SMYD3: variants seen among roughly 807,000 people sequenced by gnomAD.
The protein encoded by SMYD3 is histone-lysine N-methyltransferase SMYD3.
A neutral mutation model predicts 57.7 loss-of-function variants in SMYD3; 36 were observed. That is an observed-to-expected ratio of 0.62 (90% CI 0.48 to 0.82). The LOEUF is 0.82. Among genes scored for constraint, SMYD3 ranks in the 40% least tolerant of loss-of-function variants. The probability of loss-of-function intolerance (pLI) is 0.00; values close to 1 mark genes in which losing one functional copy is unlikely to be tolerated. For synonymous variants in SMYD3, 211 were observed against 195.0 expected (o/e 1.08, Z -0.68); for missense variants, 515 against 538.8 (o/e 0.96, Z 0.44).
chr1:246,323,893 C>T (rs781075723), intron 5 of SMYD3, among the ~76,000 whole-genome samples: 5 of 143,050 alleles, frequency 3.5e-5, no homozygotes, highest in Non-Finnish European at 6.1e-5. Context: ...TTTAAAACTC[C>T]GAAGAGAAAG....
intron 2 of SMYD3, among the ~76,000 whole-genome samples, chr1:246,348,687 C>T (rs1453737313): frequency 6.6e-6 from 1 of 152,066 alleles, no homozygotes; most frequent in Non-Finnish European, 1.5e-5. Context: ...CAATCATACT[C>T]GAAACCTCAG....
At chr1:246,090,955 C>T (rs980729694) in intron 5 of SMYD3, among the ~76,000 whole-genome samples, 4 of 152,158 alleles carry the variant, frequency 2.6e-5, no homozygotes, top group South Asian at 2.1e-4. Context: ...GGAACCTCGT[C>T]GGGGAAACCA....
intron 10 of SMYD3, among the ~76,000 whole-genome samples, chr1:245,765,212 C>T (rs906397535): frequency 1.5e-5 from 2 of 136,608 alleles, no homozygotes; most frequent in Non-Finnish European, 1.5e-5. Context: ...AAGGCAAAAC[C>T]CTTTCTCTAT....
At chr1:246,447,010 C>G (rs932478070) in intron 1 of SMYD3, among the ~76,000 whole-genome samples, 1 of 139,378 alleles carries the variant, frequency 7.2e-6, no homozygotes, top group African/African-American at 2.7e-5. Flanking sequence ...GCCTCGGTGA[C>G]AGAGCCAGAC....
chr1:246,445,953 T>C (rs1340567563), intron 1 of SMYD3, among the ~76,000 whole-genome samples: 1 of 151,986 alleles, frequency 6.6e-6, no homozygotes, highest in Non-Finnish European at 1.5e-5. Flanking sequence ...CTGAAAACCA[T>C]ATGAATGCAT....
chr1:246,029,134 C>T (rs1250000633), intron 5 of SMYD3, among the ~76,000 whole-genome samples: 1 of 152,166 alleles, frequency 6.6e-6, no homozygotes, highest in Non-Finnish European at 1.5e-5. Flanking sequence ...GAAGAAAACA[C>T]TTCAGGACAT....
chr1:245,792,031 T>C lies in SMYD3; in HGVS notation c.1077-27882A>G, dbSNP rs549748402. Among the ~76,000 whole-genome samples, 3 of 152,042 alleles carry C rather than the reference T, an allele frequency of 2.0e-5. No individual in the cohort carries two copies. In the East Asian group the frequency reaches 5.8e-4, roughly 29 times the overall value. The stretch of plus-strand genomic sequence containing the variant: ...AAAGGCTGTTCGATGAAATTTGATT[T>C]ATGTCCTCTTTCTGGGCTTACTCTC... On this transcript the variant is annotated intron_variant, in intron 10 of 11. Coordinates refer to ENST00000490107, the MANE Select transcript of SMYD3 (RefSeq NM_001167740.2).
intron 5 of SMYD3, among the ~76,000 whole-genome samples, chr1:246,151,098 T>C (rs905793363): frequency 6.6e-6 from 1 of 151,944 alleles, no homozygotes; most frequent in East Asian, 1.9e-4. Flanking sequence ...ATCCAAAAAT[T>C]AGCCAGGCGC....
At chr1:246,398,769 G>A (rs942720237) in intron 1 of SMYD3, among the ~76,000 whole-genome samples, 3 of 152,226 alleles carry the variant, frequency 2.0e-5, no homozygotes, top group African/African-American at 7.2e-5. Flanking sequence ...TATGCACAAT[G>A]GAGGAAGATA....
At chr1:246,015,580 A>G (rs891038531) in intron 5 of SMYD3, among the ~76,000 whole-genome samples, 1 of 152,148 alleles carries the variant, frequency 6.6e-6, no homozygotes, top group Admixed American at 6.5e-5. Context: ...CTCTGTGCCC[A>G]TTAACAATAA....
At chr1:246,461,737 A>AAAAT in intron 1 of SMYD3, among the ~76,000 whole-genome samples, 1 of 151,136 alleles carries the variant, frequency 6.6e-6, no homozygotes, top group African/African-American at 2.4e-5. Context: ...CTGTCTCAAA[A>AAAAT]AAAAAAAAAA....
intron 5 of SMYD3, among the ~76,000 whole-genome samples, chr1:246,184,188 C>T (rs1413630089): frequency 3.9e-5 from 6 of 152,176 alleles, no homozygotes; most frequent in African/African-American, 1.2e-4. Flanking sequence ...AAACACTAGT[C>T]CTTTCTGGGA....
intron 5 of SMYD3, among the ~76,000 whole-genome samples, chr1:246,065,678 T>C (rs2060328613): frequency 6.6e-6 from 1 of 152,234 alleles, no homozygotes. Context: ...AACACTGTTA[T>C]CACCAAATTC....
intron 5 of SMYD3, chr1:246,326,955 C>G: frequency 5.8e-6 from 3 of 515,562 alleles, no homozygotes; most frequent in Non-Finnish European, 1.0e-5. Flanking sequence ...CAAGGGTACA[C>G]TTTGAGAATT....
chr1:245,919,782 T>C (rs1329412652), intron 7 of SMYD3, among the ~76,000 whole-genome samples: 3 of 152,190 alleles, frequency 2.0e-5, no homozygotes, highest in African/African-American at 7.2e-5. Flanking sequence ...CATTGATCAG[T>C]AGACACCTTA....
intron 5 of SMYD3, among the ~76,000 whole-genome samples, chr1:246,123,032 A>C (rs550743979): frequency 4.6e-5 from 7 of 152,138 alleles, no homozygotes; most frequent in Non-Finnish European, 1.0e-4. Flanking sequence ...TAAAGAGAAA[A>C]ATTAAGAGGA....
Position 246,269,209 on chromosome 1 carries a change from C to A in SMYD3, c.531+57992G>T, listed in dbSNP as rs370098276. ...TTGTTTTCTCTGAAACTGGCTGATA[C>A]CACCCTTTCCAGATCTCACACTTTA... On this transcript the variant is annotated intron_variant, in intron 5 of 11. Coordinates refer to ENST00000490107, the MANE Select transcript of SMYD3 (RefSeq NM_001167740.2). Among the ~76,000 whole-genome samples, 4 of 152,232 alleles carry A rather than the reference C, an allele frequency of 2.6e-5. 1 individual carries two copies. Among genetic ancestry groups the A allele is most frequent in the African/African-American group, 9.6e-5 (4 of 41,530 alleles).
chr1:246,469,376 G>A (rs1160381786), intron 1 of SMYD3, among the ~76,000 whole-genome samples: 1 of 152,120 alleles, frequency 6.6e-6, no homozygotes, highest in Non-Finnish European at 1.5e-5. Flanking sequence ...AAAGCTAAAG[G>A]GATTTTTTAA....
At chr1:245,896,769 A>G (rs2053833650) in intron 8 of SMYD3, among the ~76,000 whole-genome samples, 1 of 152,168 alleles carries the variant, frequency 6.6e-6, no homozygotes, top group East Asian at 1.9e-4. Flanking sequence ...TCTAGGCAAC[A>G]CTTCTGCACT....
Sources: allele counts gnomAD v4.1 joint callset (sites outside exome capture counted in the v4.1 genomes callset), GRCh38; gene constraint gnomAD v4.1.1; transcripts MANE v1.5; gene names NCBI Gene and HGNC (gene_info 2026-07-23, HGNC 2026-07-21).